Variants in MED19 observed in about 807,000 individuals in gnomAD.
MED19 encodes mediator of RNA polymerase II transcription subunit 19.
In MED19, 4 loss-of-function variants were observed where a neutral mutation model predicts 19.9. The ratio of observed to expected loss-of-function variants is 0.20; its 90% CI spans 0.10 to 0.46. The LOEUF is 0.46. Among genes scored for constraint, MED19 ranks in the 20% least tolerant of loss-of-function variants. MED19 has a pLI of 0.99. For synonymous variants in MED19, 139 were observed against 119.6 expected (o/e 1.16, Z -1.06); for missense variants, 303 against 318.7 (o/e 0.95, Z 0.38).
At chr11:57,704,387 G>T (rs1186116306) in exon 4 of MED19, 4 of 1,538,164 alleles carry the variant, frequency 2.6e-6, no homozygotes, top group Non-Finnish European at 3.5e-6. Flanking sequence ...ATCTGAATCA[G>T]ATGGTGTTTC....
At position 57,711,858 on chromosome 11, in the gene MED19, G is replaced by A. The variant is rs1946624640; in HGVS notation, c.217+105C>T. The A allele has an allele frequency of 3.2e-6, 4 of 1,255,944 alleles. No homozygotes were observed. In the South Asian group the frequency reaches 5.8e-5, roughly 18 times the overall value. The allele number at this position is 1,255,944 out of a possible 1,614,324, so 77.8% of individuals were successfully genotyped here. On this transcript the variant is annotated intron_variant, in intron 1 of 4. Coordinates refer to ENST00000431606, the Ensembl canonical transcript of MED19. Reference sequence around the variant, plus strand: ...ACTTAGGGCTCCACAGTCCGGGTATGCGTTGCCTAGGTTACCTCGCACCTC... The same window carrying A: ...ACTTAGGGCTCCACAGTCCGGGTATACGTTGCCTAGGTTACCTCGCACCTC...
chr11:57,711,780 T>C (rs1260291588), intron 1 of MED19, among the ~76,000 whole-genome samples, 183 bp downstream of exon 1: 1 of 152,068 alleles, frequency 6.6e-6, no homozygotes, highest in Non-Finnish European at 1.5e-5. Context: ...ATTCAACTCA[T>C]CCTGGTTGAA....
chr11:57,706,396 C>T (rs575613909), intron 1 of MED19, among the ~76,000 whole-genome samples: 26 of 152,226 alleles, frequency 1.7e-4, no homozygotes, highest in African/African-American at 5.5e-4. Context: ...CGCCACCCCC[C>T]GCCGCCTCGG....
intron 2 of MED19, 29 bp from the exon 3 acceptor site, chr11:57,704,844 A>G: frequency 6.2e-7 from 1 of 1,612,080 alleles, no homozygotes; most frequent in Non-Finnish European, 8.5e-7. Context: ...GGTCCAGGTG[A>G]GTAGAGGGAG....
intron 1 of MED19, among the ~76,000 whole-genome samples, chr11:57,708,502 T>TA (rs1946531930): frequency 6.6e-6 from 1 of 152,228 alleles, no homozygotes; most frequent in African/African-American, 2.4e-5. Context: ...ATTCAAGGTC[T>TA]AGCTCAAGTG....
exon 1 of MED19, chr11:57,712,193 C>G (rs752026227): frequency 1.7e-5 from 26 of 1,509,690 alleles, no homozygotes; most frequent in African/African-American, 2.8e-5. Flanking sequence ...ACCCTCCGCC[C>G]CGGCGCTGTC....
exon 2 of MED19, chr11:57,705,055 A>G (rs1412897531): frequency 4.3e-6 from 7 of 1,614,212 alleles, no homozygotes; most frequent in Non-Finnish European, 5.9e-6. Flanking sequence ...GGGCTTCTCA[A>G]TGAGAGAGCG....
intron 3 of MED19, 112 bp downstream of exon 3, chr11:57,704,607 A>C (rs1946484609): frequency 6.2e-7 from 1 of 1,606,218 alleles, no homozygotes; most frequent in Admixed American, 1.7e-5. Context: ...AGGAGTCCAG[A>C]GCTCCATACG....
rs1339590617 is a variant in MED19 at position 57,704,970 on chromosome 11, C to T, written c.474+3G>A. 1.2e-6 allele frequency: 2 copies of T among 1,612,526 alleles called. No individual in the cohort carries two copies. Among genetic ancestry groups the T allele is most frequent in the South Asian group, 1.1e-5 (1 of 91,028 alleles). Reference sequence around the variant, plus strand: ...TTTGCCTTCTTCCTCCAACAGGACTCACCGGGCCAGTGTGGAGGCGGAAGC... The same window carrying T: ...TTTGCCTTCTTCCTCCAACAGGACTTACCGGGCCAGTGTGGAGGCGGAAGC... On this transcript the variant is annotated splice_donor_region_variant and intron_variant, in intron 2 of 4. Transcript: ENST00000431606.
At chr11:57,705,426 T>C (rs990108180) in intron 1 of MED19, among the ~76,000 whole-genome samples, 197 bp from the exon 2 acceptor site, 1 of 151,576 alleles carries the variant, frequency 6.6e-6, no homozygotes, top group African/African-American at 2.4e-5. Flanking sequence ...CTGAGGCGGG[T>C]GGATCACCAG....
chr11:57,711,871 T>C, intron 1 of MED19, 92 bp downstream of exon 1: 2 of 1,342,298 alleles, frequency 1.5e-6, no homozygotes, highest in East Asian at 3.0e-5. Context: ...TTGCCTAGGT[T>C]ACCTCGCACC....
chr11:57,711,362 TTTTG>T (rs969019309), intron 1 of MED19, among the ~76,000 whole-genome samples: 51 of 152,208 alleles, frequency 3.4e-4, no homozygotes, highest in African/African-American at 1.1e-3. Context: ...AAACCCTGGA[TTTTG>T]TTTGTTTTGA....
exon 1 of MED19, chr11:57,712,132 C>T (rs1019835604): frequency 4.6e-6 from 7 of 1,526,576 alleles, no homozygotes; most frequent in Admixed American, 2.1e-5. Context: ...CGGTTGGGGG[C>T]GGTGGTGGGT....
exon 5 of MED19, chr11:57,703,842 C>A: frequency 1.3e-6 from 1 of 748,634 alleles, no homozygotes; most frequent in Non-Finnish European, 1.9e-6. Flanking sequence ...ATGAGAAAAC[C>A]AACTGGGATG....
In MED19 at chr11:57,704,713, T is replaced by G. The variant is rs56088923; in HGVS notation, c.571+6A>C. ...TTTTTTTGCTTTGAATAGAACTGCT[T>G]CTTACCTGGGGGGACAGGATCCTGG... On this transcript the variant is annotated splice_donor_region_variant and intron_variant, in intron 3 of 4. Coordinates refer to ENST00000431606, the Ensembl canonical transcript of MED19. 0.049 allele frequency: 77,949 copies of G among 1,583,520 alleles called. 2,193 individuals carry two copies. Among genetic ancestry groups the G allele is most frequent in the Middle Eastern group, 0.081 (473 of 5,830 alleles).
chr11:57,708,404 T>C (rs1946531159), intron 1 of MED19, among the ~76,000 whole-genome samples: 2 of 152,190 alleles, frequency 1.3e-5, no homozygotes, highest in Non-Finnish European at 2.9e-5. Flanking sequence ...TCCATCCAAA[T>C]GGATCTCCTT....
At chr11:57,704,545 G>C (rs1946484138) in intron 3 of MED19, 149 bp from the exon 4 acceptor site, 2 of 1,585,016 alleles carry the variant, frequency 1.3e-6, no homozygotes, top group Middle Eastern at 2.3e-4. Context: ...TAGAGTCCCT[G>C]TCCCAAGTCC....
intron 1 of MED19, among the ~76,000 whole-genome samples, chr11:57,706,463 G>A (rs900272019): frequency 1.3e-5 from 2 of 151,428 alleles, no homozygotes; most frequent in Non-Finnish European, 2.9e-5. Flanking sequence ...AGGAAGAAAT[G>A]TTTGATTAGA....
chr11:57,705,146 C>T (rs780839799), exon 2 of MED19: 1 of 1,614,190 alleles, frequency 6.2e-7, no homozygotes, highest in Non-Finnish European at 8.5e-7. Flanking sequence ...TTCTCCTTCA[C>T]CTTCTTCCCA....
Sources: gnomAD v4.1 joint callset for allele counts (sites outside exome capture counted in the v4.1 genomes callset) on GRCh38, gnomAD v4.1.1 for gene constraint, MANE v1.5 for transcripts, NCBI Gene and HGNC (gene_info 2026-07-23, HGNC 2026-07-21) for gene names.